The following SUSD6 variants were observed in gnomAD, a reference collection of about 807,000 sequenced individuals.
SUSD6 encodes sushi domain-containing protein 6.
Under a neutral mutation model 28.4 loss-of-function variants are expected in SUSD6, and 16 were observed. That is an observed-to-expected ratio of 0.56 (90% CI 0.38 to 0.86). The LOEUF (loss-of-function observed/expected upper bound fraction) is 0.86, where lower values mean the gene tolerates loss of function less well. Among genes scored for constraint, SUSD6 ranks in the 40% least tolerant of loss-of-function variants. The pLI is 0.00. For missense variants in SUSD6, 341 were observed against 384.2 expected, an observed-to-expected ratio of 0.89 and a Z score of 0.94; for synonymous variants, 147 against 159.6, an observed-to-expected ratio of 0.92 and a Z score of 0.59.
At chr14:69,706,300 A>T (rs1886386166) in intron 4 of SUSD6, among the ~76,000 whole-genome samples, 1 of 152,110 alleles carries the variant, frequency 6.6e-6, no homozygotes, top group African/African-American at 2.4e-5. Context: ...TAAGTTTGTT[A>T]AAAGTAACTG....
chr14:69,701,109 T>C (rs1320233041), intron 2 of SUSD6, among the ~76,000 whole-genome samples: 1 of 152,158 alleles, frequency 6.6e-6, no homozygotes, highest in East Asian at 1.9e-4. Context: ...TTTTTGTCCT[T>C]TTTCAGAGCA....
intron 1 of SUSD6, among the ~76,000 whole-genome samples, chr14:69,627,733 G>C (rs144047172): frequency 0.018 from 2,788 of 152,216 alleles, 83 homozygotes; most frequent in African/African-American, 0.063. Context: ...CAAAGTGCTG[G>C]GATTACAGGC....
At chr14:69,690,452 G>A (rs991750152) in intron 2 of SUSD6, among the ~76,000 whole-genome samples, 4 of 152,206 alleles carry the variant, frequency 2.6e-5, no homozygotes, top group African/African-American at 9.7e-5. Context: ...AGGCTTAAAT[G>A]TGGCTTCCTC....
intron 2 of SUSD6, among the ~76,000 whole-genome samples, chr14:69,684,819 A>G (rs1446158513): frequency 6.6e-6 from 1 of 152,234 alleles, no homozygotes; most frequent in Admixed American, 6.5e-5. Flanking sequence ...AGCTAAGGAG[A>G]AACACCTAGC....
intron 1 of SUSD6, among the ~76,000 whole-genome samples, chr14:69,652,015 G>T (rs1885511741): frequency 6.6e-6 from 1 of 152,154 alleles, no homozygotes; most frequent in Admixed American, 6.5e-5. Flanking sequence ...GATCAAGGTT[G>T]GTGAACATAG....
chr14:69,651,478 A>C (rs1434069152), intron 1 of SUSD6, among the ~76,000 whole-genome samples: 1 of 152,164 alleles, frequency 6.6e-6, no homozygotes, highest in Non-Finnish European at 1.5e-5. Flanking sequence ...TTTTAACAGG[A>C]GTTTGATGTT....
intron 2 of SUSD6, among the ~76,000 whole-genome samples, chr14:69,683,519 G>T (rs1275177852): frequency 2.0e-5 from 3 of 152,184 alleles, no homozygotes; most frequent in Non-Finnish European, 4.4e-5. Context: ...GATTGGGTCT[G>T]AGTTGATGGA....
At chr14:69,703,270 C>T (rs1188519919) in intron 2 of SUSD6, 125 bp from the exon 3 acceptor site, 1 of 782,060 alleles carries the variant, frequency 1.3e-6, no homozygotes, top group African/African-American at 1.7e-5. Flanking sequence ...TTAACAGTTC[C>T]TCCAAGGAAA....
At chr14:69,661,002 A>C (rs889406474) in intron 2 of SUSD6, among the ~76,000 whole-genome samples, 1 of 152,218 alleles carries the variant, frequency 6.6e-6, no homozygotes, top group Non-Finnish European at 1.5e-5. Context: ...TGTGAATGGA[A>C]TGACTGTCAG....
chr14:69,702,368 G>A (rs954497833), intron 2 of SUSD6, among the ~76,000 whole-genome samples: 1 of 152,164 alleles, frequency 6.6e-6, no homozygotes, highest in Non-Finnish European at 1.5e-5. Context: ...GGGGTCTTCA[G>A]TTTTGCAGTG....
At position 69,703,329 on chromosome 14, in the gene SUSD6, T is replaced by C. The variant is rs537640659; in HGVS notation, c.122-66T>C. The C allele has an allele frequency of 2.3e-6, 3 of 1,279,036 alleles. No individual in the cohort carries two copies. The Admixed American group carries it at 5.6e-5, about 24-fold the overall frequency. 79.2% of individuals were successfully genotyped at this position (1,279,036 alleles called of 1,614,324 possible). On this transcript the variant is annotated intron_variant, in intron 2 of 5. Transcript: ENST00000342745. Reference sequence around the variant, plus strand: ...TCCTGTAGAGGCCTTCAGAGCTGCGTCACTGAGAGCAGACTCCTACTGGAT... The same window carrying C: ...TCCTGTAGAGGCCTTCAGAGCTGCGCCACTGAGAGCAGACTCCTACTGGAT...
intron 1 of SUSD6, among the ~76,000 whole-genome samples, chr14:69,631,960 C>G (rs1311477901): frequency 6.6e-6 from 1 of 152,138 alleles, no homozygotes; most frequent in Non-Finnish European, 1.5e-5. Context: ...GGCAGAGAAT[C>G]CACCAAGGTG....
At chr14:69,635,979 A>G (rs907398601) in intron 1 of SUSD6, among the ~76,000 whole-genome samples, 1 of 152,240 alleles carries the variant, frequency 6.6e-6, no homozygotes, top group African/African-American at 2.4e-5. Context: ...ATTGCCAGGG[A>G]CTGAGATGAA....
At chr14:69,647,888 G>A (rs1234947842) in intron 1 of SUSD6, among the ~76,000 whole-genome samples, 1 of 152,158 alleles carries the variant, frequency 6.6e-6, no homozygotes, top group East Asian at 1.9e-4. Context: ...GGGTGGCTGA[G>A]GCGTGAGAAT....
At chr14:69,661,094 A>G (rs1175630641) in intron 2 of SUSD6, among the ~76,000 whole-genome samples, 1 of 152,190 alleles carries the variant, frequency 6.6e-6, no homozygotes, top group Non-Finnish European at 1.5e-5. Flanking sequence ...CTCACAGCTA[A>G]TGGTAGGGCC....
intron 1 of SUSD6, among the ~76,000 whole-genome samples, chr14:69,639,398 C>CTTTTCCAGT: frequency 6.8e-6 from 1 of 147,094 alleles, no homozygotes; most frequent in Non-Finnish European, 1.5e-5. Context: ...AACTTTTACT[C>CTTTTCCAGT]TTTTCCAGTT....
intron 2 of SUSD6, among the ~76,000 whole-genome samples, chr14:69,661,676 C>T (rs1199690483): frequency 6.6e-6 from 1 of 152,150 alleles, no homozygotes; most frequent in East Asian, 1.9e-4. Context: ...ACCTGTATGG[C>T]CGTGCCTGGC....
At chr14:69,614,805 C>G (rs951674907) in intron 1 of SUSD6, among the ~76,000 whole-genome samples, 101 of 152,176 alleles carry the variant, frequency 6.6e-4, no homozygotes, top group Non-Finnish European at 1.8e-4. Flanking sequence ...AGAGGGAAGG[C>G]CAGAGGGCAC....
chr14:69,683,310 C>T (rs1186416391), intron 2 of SUSD6, among the ~76,000 whole-genome samples: 1 of 152,132 alleles, frequency 6.6e-6, no homozygotes, highest in Non-Finnish European at 1.5e-5. Context: ...AGGTATTTGT[C>T]TAGTGCCTTA....
Sources: gnomAD v4.1 joint callset for allele counts (sites outside exome capture counted in the v4.1 genomes callset) on GRCh38, gnomAD v4.1.1 for gene constraint, MANE v1.5 for transcripts, NCBI Gene and HGNC (gene_info 2026-07-23, HGNC 2026-07-21) for gene names.